The following FAM83G variants were observed in gnomAD, a reference collection of about 807,000 sequenced individuals.
FAM83G encodes protein FAM83G.
Under a neutral mutation model 61.5 loss-of-function variants are expected in FAM83G, and 38 were observed. The ratio of observed to expected loss-of-function variants is 0.62; its 90% CI spans 0.48 to 0.81. The LOEUF is 0.81. FAM83G is among the 30% of genes least tolerant of loss of function. The pLI, the probability that FAM83G is intolerant of heterozygous loss-of-function variation, is 0.00. For synonymous variants in FAM83G, 470 were observed against 476.1 expected (o/e 0.99, Z 0.17); for missense variants, 989 against 1,133.6 (o/e 0.87, Z 1.83).
At chr17:18,994,684 G>A (rs2043520107) in intron 2 of FAM83G, among the ~76,000 whole-genome samples, 2 of 152,152 alleles carry the variant, frequency 1.3e-5, no homozygotes, top group Admixed American at 1.3e-4. Flanking sequence ...GTCCTGCAGG[G>A]GGTGTCCTCA....
chr17:18,986,673 T>C (rs778590351), intron 3 of FAM83G, among the ~76,000 whole-genome samples: 7 of 152,354 alleles, frequency 4.6e-5, no homozygotes, highest in Non-Finnish European at 8.8e-5. Context: ...AGGCGAGGCC[T>C]CTGGAGTGGC....
At chr17:18,986,433 G>T (rs2043269776) in intron 3 of FAM83G, 3 of 152,196 alleles carry the variant, frequency 2.0e-5, no homozygotes, top group Admixed American at 2.0e-4. Flanking sequence ...TGGCTTTTAG[G>T]CGCCACCCCT....
chr17:18,994,570 A>G (rs777728532), intron 2 of FAM83G, among the ~76,000 whole-genome samples: 22 of 152,164 alleles, frequency 1.4e-4, no homozygotes, highest in Admixed American at 2.6e-4. Context: ...GGCTGAGCAG[A>G]GAACCACCGG....
intron 2 of FAM83G, among the ~76,000 whole-genome samples, chr17:18,994,755 G>C (rs1376888806): frequency 6.6e-6 from 1 of 152,228 alleles, no homozygotes; most frequent in East Asian, 1.9e-4. Flanking sequence ...CAAACTTCCT[G>C]AAGAACCAGA....
rs768763076 is a variant in FAM83G, at chr17:18,971,674, C to T, written c.2157G>A (p.Arg719=). ...GGACGCTGTCAGCAGCAGAGCGGTA[C>T]CTAGGGGGTCCTGGGAAGCCGTCTT... The part of the protein sequence containing the change: ...RDKDGFPGPP[R]YRSAADSVQS... The change falls in exon 6 of 6, where the codon AGG becomes AGA. Residue 719 remains arginine, a synonymous_variant. Transcript: ENST00000388995. This position sits in a 1 kb window ranked among gnomAD's most constrained non-coding sequence, Gnocchi z 5.5. The T allele has an allele frequency of 6.2e-7, 1 of 1,611,162 alleles. No individual in the cohort carries two copies. Among genetic ancestry groups the T allele is most frequent in the South Asian group, 1.1e-5 (1 of 90,970 alleles).
Position 19,004,052 on chromosome 17 carries a change from G to C in FAM83G, c.-11C>G. On this transcript the variant is annotated 5_prime_UTR_variant, in exon 2 of 6. Transcript: ENST00000388995. This position sits in a 1 kb window ranked among gnomAD's most constrained non-coding sequence, Gnocchi z 5.4. ...CTGAGAGAAGGCCATGGCGCCGCCT[G>C]CCCGGGCACTGCTGCCGGGGGTGGG... is the stretch of plus-strand genomic sequence containing the variant. The C allele has an allele frequency of 6.4e-7, 1 of 1,571,976 alleles. No homozygotes were observed. The highest frequency in any genetic ancestry group is 8.6e-7 in the Non-Finnish European group (1 of 1,157,082).
chr17:18,986,241 T>C (rs2043265605), intron 3 of FAM83G: 1 of 152,234 alleles, frequency 6.6e-6, no homozygotes, highest in African/African-American at 2.4e-5. Flanking sequence ...GAGTAGTTGG[T>C]GTGAATGAGT....
intron 2 of FAM83G, among the ~76,000 whole-genome samples, chr17:19,002,466 C>T (rs1285877129): frequency 6.6e-6 from 1 of 152,232 alleles, no homozygotes; most frequent in East Asian, 1.9e-4. Flanking sequence ...GGATGGTCCC[C>T]GAAGCCAGCA....
chr17:19,005,125 A>G (rs1389973989), upstream of FAM83G, among the ~76,000 whole-genome samples: 1 of 151,924 alleles, frequency 6.6e-6, no homozygotes, highest in African/African-American at 2.4e-5. Flanking sequence ...GGCTGTATAG[A>G]TACCCAGCTG....
At chr17:19,006,007 TC>T (rs527963885), upstream of FAM83G, among the ~76,000 whole-genome samples, 31 of 152,294 alleles carry the variant, frequency 2.0e-4, no homozygotes, top group South Asian at 4.1e-3. Context: ...CCTCAGCTTC[TC>T]CCTGTGTTCT....
At position 18,979,661 on chromosome 17, in the gene FAM83G, G is replaced by A. The variant is rs762633328; in HGVS notation, c.703C>T (p.Arg235Trp). ...HLGHLKNLRV[R>W]SSGGTEFFTR... ...AAGAACTCAGTTCCCCCGCTGCTCC[G>A]CACTCTGAGATTCTGTTTTGGGAAC... The change falls in exon 4 of 6, where the codon CGG (arginine) becomes TGG (tryptophan). Residue 235 changes from arginine (R) to tryptophan (W), a missense_variant. This residue lies in a region of FAM83G where 371 missense variants were observed against 404.5 expected (regional missense o/e 0.92). Transcript: ENST00000388995. The A allele has an allele frequency of 3.1e-6, 5 of 1,613,202 alleles. No individual in the cohort carries two copies. The highest frequency in any genetic ancestry group is 2.7e-5 in the African/African-American group (2 of 74,916).
chr17:18,988,474 C>G (rs1256237722), intron 2 of FAM83G, 60 bp from the exon 3 acceptor site: 2 of 1,590,022 alleles, frequency 1.3e-6, no homozygotes, highest in Admixed American at 3.4e-5. Context: ...GACAGGGTGC[C>G]CTGGCAGAGC....
At chr17:18,985,826 G>A (rs1169106245) in intron 3 of FAM83G, among the ~76,000 whole-genome samples, 1 of 152,186 alleles carries the variant, frequency 6.6e-6, no homozygotes, top group Non-Finnish European at 1.5e-5. Flanking sequence ...AGTGCCAGCT[G>A]CCTTCCAGCT....
In FAM83G at chr17:18,978,088, G is replaced by A. The variant is rs1416691507; in HGVS notation, c.1578C>T (p.Val526=). The change falls in exon 5 of 6, where the codon GTC becomes GTT. Residue 526 remains valine, a synonymous_variant. Transcript: ENST00000388995. ...GAGCTTCCTCTTTGGGGAGCTCCAG[G>A]ACCCAGCCAATATCACTGCTGTCCC... is the stretch of plus-strand genomic sequence containing the variant. ...LARDSSDIGW[V]LELPKEEAPQ... 4.0e-6 allele frequency: 6 copies of A among 1,516,668 alleles called. No homozygotes were observed. Among genetic ancestry groups the A allele is most frequent in the Non-Finnish European group, 4.4e-6 (5 of 1,135,980 alleles). The allele number at this position is 1,516,668 out of a possible 1,614,324, so 94.0% of individuals were successfully genotyped here.
In FAM83G at chr17:19,003,494, C is replaced by T; in HGVS notation, c.522+26G>A. ...GGTCCGGTGGCTGGTTGGGCCATGG[C>T]TCCAGGAGTCCCCGCGCTGCCTCAC... is the stretch of plus-strand genomic sequence containing the variant. On this transcript the variant is annotated intron_variant, in intron 2 of 5. Transcript: ENST00000388995. The surrounding 1 kb of genome is among the most constrained non-coding windows in gnomAD (Gnocchi z 4.5). The T allele has an allele frequency of 1.3e-6, 2 of 1,514,726 alleles. No homozygotes were observed. Among genetic ancestry groups the T allele is most frequent in the Non-Finnish European group, 1.8e-6 (2 of 1,131,034 alleles). 93.8% of individuals were successfully genotyped at this position (1,514,726 alleles called of 1,614,324 possible).
chr17:18,977,281 T>G (rs537466497), intron 5 of FAM83G: 132 of 581,018 alleles, frequency 2.3e-4, no homozygotes, highest in Non-Finnish European at 3.5e-4. Context: ...GCCACCCATC[T>G]GGCAGGTGCC....
At chr17:18,990,614 G>A (rs1003748456) in intron 2 of FAM83G, among the ~76,000 whole-genome samples, 1 of 152,220 alleles carries the variant, frequency 6.6e-6, no homozygotes, top group African/African-American at 2.4e-5. Flanking sequence ...ATTGCCCTCA[G>A]CCAGGCAGGG....
In FAM83G at chr17:19,004,134, C is replaced by T; in HGVS notation, c.-93G>A. The T allele has an allele frequency of 6.4e-6, 8 of 1,256,172 alleles. No homozygotes were observed. Among genetic ancestry groups the T allele is most frequent in the Non-Finnish European group, 8.8e-6 (8 of 910,272 alleles). The allele number at this position is 1,256,172 out of a possible 1,614,324, so 77.8% of individuals were successfully genotyped here. Reference sequence around the variant, plus strand: ...GCTGGGGCACCGCGCGCTCGGGGGCCTCTCCGCGGCCTCTGCTTCTCTGCC... The same window carrying T: ...GCTGGGGCACCGCGCGCTCGGGGGCTTCTCCGCGGCCTCTGCTTCTCTGCC... On this transcript the variant is annotated 5_prime_UTR_variant, in exon 2 of 6. Coordinates refer to ENST00000388995, the MANE Select transcript of FAM83G (RefSeq NM_001039999.3). This position sits in a 1 kb window ranked among gnomAD's most constrained non-coding sequence, Gnocchi z 5.4.
intron 2 of FAM83G, among the ~76,000 whole-genome samples, chr17:18,999,914 ATCC>A: frequency 6.6e-6 from 1 of 152,294 alleles, no homozygotes; most frequent in South Asian, 2.1e-4. Flanking sequence ...CTGGTGAGGG[ATCC>A]TGCTAAGGCC....
Sources: gnomAD v4.1 joint callset for allele counts (sites outside exome capture counted in the v4.1 genomes callset) on GRCh38, gnomAD v4.1.1 for gene constraint, gnomAD v4.1.1 regional missense constraint, Gnocchi (gnomAD v3.1) non-coding constraint, MANE v1.5 for transcripts, NCBI Gene and HGNC (gene_info 2026-07-23, HGNC 2026-07-21) for gene names.